Variants in CYTH1 observed in about 807,000 individuals in gnomAD.
CYTH1 encodes the protein cytohesin-1.
A neutral mutation model predicts 61.8 loss-of-function variants in CYTH1; 18 were observed. That is an observed-to-expected ratio of 0.29 (90% CI 0.20 to 0.43). The LOEUF (loss-of-function observed/expected upper bound fraction) is 0.43. Among genes scored for constraint, CYTH1 ranks in the 20% least tolerant of loss-of-function variants. The pLI is 1.00. For synonymous variants in CYTH1, 174 were observed against 184.3 expected, an observed-to-expected ratio of 0.94 and a Z score of 0.45; for missense variants, 336 against 510.5, an observed-to-expected ratio of 0.66 and a Z score of 3.29.
At chr17:78,709,419 CA>C (rs1312317079) in intron 2 of CYTH1, 5 of 506,342 alleles carry the variant, frequency 9.9e-6, no homozygotes, top group Non-Finnish European at 1.7e-5. Flanking sequence ...CCAGCTCCGA[CA>C]ACCGACCAAC....
At position 78,680,776 on chromosome 17, in the gene CYTH1, A is replaced by G. The variant is rs886141760; in HGVS notation, c.963+195T>C. On this transcript the variant is annotated intron_variant, in intron 12 of 13. Coordinates refer to ENST00000446868, the MANE Select transcript of CYTH1 (RefSeq NM_004762.6). The stretch of plus-strand genomic sequence containing the variant: ...ACCCCATGTGACATTCACTAAGTGA[A>G]ACGATAAAGCAGACAGACGGCACAG... Among the ~76,000 whole-genome samples, 3 of 152,240 alleles carry G rather than the reference A, an allele frequency of 2.0e-5. No homozygotes were observed. The East Asian group carries it at 5.8e-4, about 29-fold the overall frequency.
intron 1 of CYTH1, among the ~76,000 whole-genome samples, chr17:78,744,031 T>C (rs937208660): frequency 6.6e-6 from 1 of 152,218 alleles, no homozygotes; most frequent in Non-Finnish European, 1.5e-5. Context: ...CCACCAGTAT[T>C]TGTGGGGGCT....
intron 1 of CYTH1, among the ~76,000 whole-genome samples, chr17:78,711,976 G>A (rs2144440722): frequency 6.6e-6 from 1 of 152,000 alleles, no homozygotes; most frequent in East Asian, 1.9e-4. Flanking sequence ...CTACTCGGGG[G>A]GCTGACGTAG....
intron 1 of CYTH1, among the ~76,000 whole-genome samples, chr17:78,711,698 G>A (rs1489198463): frequency 1.3e-5 from 2 of 150,196 alleles, no homozygotes; most frequent in Non-Finnish European, 1.5e-5. Flanking sequence ...TAGAAAAGCC[G>A]ACTTTTCCTT....
In CYTH1 at chr17:78,709,747, G is replaced by C; in HGVS notation, c.23-15C>G. 1 of 1,612,982 alleles carries C rather than the reference G, an allele frequency of 6.2e-7. No homozygotes were observed. The highest frequency in any genetic ancestry group is 8.5e-7 in the Non-Finnish European group (1 of 1,179,362). ...GTCACTGGGAACTACAAAAATGGAG[G>C]GCAATGTTACAAGAAAGCTTTTATC... On this transcript the variant is annotated splice_polypyrimidine_tract_variant and intron_variant, in intron 1 of 13. Coordinates refer to ENST00000446868, the MANE Select transcript of CYTH1 (RefSeq NM_004762.6).
intron 1 of CYTH1, among the ~76,000 whole-genome samples, chr17:78,748,256 A>G (rs1173895208): frequency 6.6e-6 from 1 of 152,200 alleles, no homozygotes; most frequent in Admixed American, 6.5e-5. Context: ...TGAAAACTCT[A>G]TGGAACCAGC....
intron 1 of CYTH1, among the ~76,000 whole-genome samples, chr17:78,781,255 T>C (rs1488070804): frequency 6.6e-6 from 1 of 152,176 alleles, no homozygotes; most frequent in African/African-American, 2.4e-5. Context: ...GCTTTATTTG[T>C]ACTTTGCTAC....
intron 1 of CYTH1, among the ~76,000 whole-genome samples, chr17:78,778,877 C>T (rs1224057762): frequency 1.3e-5 from 2 of 152,162 alleles, no homozygotes; most frequent in African/African-American, 2.4e-5. Context: ...GAATCCATCA[C>T]ACACATTTCC....
At chr17:78,782,100 TC>T in intron 1 of CYTH1, 101 bp downstream of exon 1, 6 of 1,028,550 alleles carry the variant, frequency 5.8e-6, no homozygotes, top group East Asian at 4.1e-5. Context: ...CGCACCAGTG[TC>T]CCCGGGAAAC....
At chr17:78,776,043 T>A (rs923666014) in intron 1 of CYTH1, among the ~76,000 whole-genome samples, 2 of 152,022 alleles carry the variant, frequency 1.3e-5, no homozygotes, top group Non-Finnish European at 2.9e-5. Context: ...TAATCCCAGC[T>A]ACTTGGGAAG....
intron 1 of CYTH1, among the ~76,000 whole-genome samples, chr17:78,752,025 C>T (rs1204576975): frequency 2.6e-5 from 4 of 152,076 alleles, no homozygotes; most frequent in Non-Finnish European, 4.4e-5. Context: ...CGTGAGCCAC[C>T]GCGCCCGGCC....
At chr17:78,701,635 A>T in intron 6 of CYTH1, 36 bp downstream of exon 6, 1 of 1,596,286 alleles carries the variant, frequency 6.3e-7, no homozygotes, top group South Asian at 1.1e-5. Flanking sequence ...CTAGCCTCCC[A>T]CTCCTTCCAA....
chr17:78,760,757 A>G (rs1013536381), intron 1 of CYTH1, among the ~76,000 whole-genome samples: 1 of 151,726 alleles, frequency 6.6e-6, no homozygotes, highest in Non-Finnish European at 1.5e-5. Context: ...TATCTTTCTA[A>G]AAGTTACAGG....
chr17:78,720,850 G>A (rs1465208048), intron 1 of CYTH1, among the ~76,000 whole-genome samples: 1 of 152,118 alleles, frequency 6.6e-6, no homozygotes, highest in African/African-American at 2.4e-5. Flanking sequence ...CATCCAGCCT[G>A]GGCGACAGAG....
chr17:78,736,665 C>T (rs1026377385), intron 1 of CYTH1: 3 of 376,868 alleles, frequency 8.0e-6, no homozygotes, highest in Non-Finnish European at 1.1e-5. Flanking sequence ...GCATCAGTCC[C>T]GGCCGGGGGC....
At chr17:78,745,644 G>A (rs1339326884) in intron 1 of CYTH1, among the ~76,000 whole-genome samples, 1 of 152,128 alleles carries the variant, frequency 6.6e-6, no homozygotes, top group African/African-American at 2.4e-5. Context: ...CTGTAATCCC[G>A]GCGCTTTGGG....
At position 78,709,729 on chromosome 17, in the gene CYTH1, G is replaced by C. The variant is rs1201627020; in HGVS notation, c.26C>G (p.Pro9Arg). 6.2e-7 allele frequency: 1 copy of C among 1,613,824 alleles called. No individual in the cohort carries two copies. The highest frequency in any genetic ancestry group is 1.1e-5 in the South Asian group (1 of 91,026). ...ACGCTCCTCTGCTGTCAGGTCACTG[G>C]GAACTACAAAAATGGAGGGCAATGT... MEEDDSYV[P>R]SDLTAEERQE... is the part of the protein sequence containing the mutation. Residue 9 changes from proline to arginine, a missense_variant, in exon 2 of 14, where the codon CCC becomes CGC. Transcript: ENST00000446868.
chr17:78,761,504 C>T (rs1023775020), intron 1 of CYTH1, among the ~76,000 whole-genome samples: 2 of 152,138 alleles, frequency 1.3e-5, no homozygotes, highest in Admixed American at 6.5e-5. Context: ...TTTGGGAGGC[C>T]GAGGCGGGCG....
At chr17:78,778,455 T>C (rs2093502371) in intron 1 of CYTH1, among the ~76,000 whole-genome samples, 1 of 151,224 alleles carries the variant, frequency 6.6e-6, no homozygotes, top group Admixed American at 6.6e-5. Flanking sequence ...CTGGCCAATA[T>C]GGTGAAACCC....
Sources: gnomAD v4.1 joint callset for allele counts (sites outside exome capture counted in the v4.1 genomes callset) on GRCh38, gnomAD v4.1.1 for gene constraint, MANE v1.5 for transcripts, NCBI Gene and HGNC (gene_info 2026-07-23, HGNC 2026-07-21) for gene names.